Variants in NUCB2 observed in about 807,000 individuals in gnomAD.
NUCB2 encodes the protein nucleobindin 2.
In NUCB2, 48 loss-of-function variants were observed where a neutral mutation model predicts 57.9. That is an observed-to-expected ratio of 0.83 (90% CI 0.66 to 1.05). The LOEUF (loss-of-function observed/expected upper bound fraction) is 1.05, where lower values mean the gene tolerates loss of function less well. Among genes scored for constraint, NUCB2 ranks in the 50% least tolerant of loss-of-function variants. The pLI is 0.00. For synonymous variants in NUCB2, 139 were observed against 152.1 expected (o/e 0.91, Z 0.64); for missense variants, 442 against 476.2 (o/e 0.93, Z 0.67).
chr11:17,302,833 G>A (rs1423266150), intron 5 of NUCB2, among the ~76,000 whole-genome samples: 4 of 151,582 alleles, frequency 2.6e-5, no homozygotes, highest in Non-Finnish European at 5.9e-5. Flanking sequence ...TCTGCCTCCC[G>A]GGTTCACACC....
chr11:17,324,780 C>CTGTTTATT (rs1950451745), intron 11 of NUCB2, among the ~76,000 whole-genome samples: 1 of 147,064 alleles, frequency 6.8e-6, no homozygotes, highest in African/African-American at 2.5e-5. Context: ...GTCTATTTGT[C>CTGTTTATT]TATTTATTTA....
At chr11:17,280,967 G>C (rs965658401) in intron 1 of NUCB2, among the ~76,000 whole-genome samples, 1 of 152,154 alleles carries the variant, frequency 6.6e-6, no homozygotes, top group African/African-American at 2.4e-5. Flanking sequence ...CTTGAGCCTG[G>C]GAGGTGGAGG....
chr11:17,346,673 A>T (rs997589659), intron 2 of NUCB2, among the ~76,000 whole-genome samples: 12 of 152,210 alleles, frequency 7.9e-5, no homozygotes, highest in African/African-American at 2.7e-4. Context: ...CTTACAAAAA[A>T]TTTGCAAAAA....
intron 2 of NUCB2, among the ~76,000 whole-genome samples, chr11:17,344,091 T>C (rs1952518963): frequency 6.6e-6 from 1 of 152,158 alleles, no homozygotes; most frequent in Non-Finnish European, 1.5e-5. Context: ...TTCTGACTCA[T>C]GGGGTGGGTC....
At chr11:17,290,500 A>G (rs935342680) in intron 2 of NUCB2, among the ~76,000 whole-genome samples, 5 of 152,092 alleles carry the variant, frequency 3.3e-5, no homozygotes. Context: ...CTTGAGCCCA[A>G]GAGTTTGAGA....
chr11:17,321,656 AT>A (rs1950035774), intron 11 of NUCB2, among the ~76,000 whole-genome samples: 1 of 151,936 alleles, frequency 6.6e-6, no homozygotes, highest in African/African-American at 2.4e-5. Flanking sequence ...TCTATTTTTA[AT>A]TTTTTGAGGA....
At chr11:17,328,172 A>G (rs185378453) in intron 11 of NUCB2, among the ~76,000 whole-genome samples, 1 of 152,328 alleles carries the variant, frequency 6.6e-6, no homozygotes, top group Admixed American at 6.5e-5. Context: ...GGTCTTGGAT[A>G]AGATCCAGAA....
Position 17,280,683 on chromosome 11 carries a change from A to G in NUCB2, c.-155-2106A>G, listed in dbSNP as rs143041207. On this transcript the variant is annotated intron_variant, in intron 1 of 13. Transcript: ENST00000529010. ...TTGGATGCATTGCTTTCATTGGTCT[A>G]TGATTGCATCAGGACTTTGGTTCTG... 5.3e-4 allele frequency among the ~76,000 whole-genome samples: 81 copies of G among 152,338 alleles called. No individual in the cohort carries two copies. In the East Asian group the frequency reaches 0.014, roughly 26 times the overall value.
chr11:17,315,952 T>G (rs1949182540), intron 11 of NUCB2, among the ~76,000 whole-genome samples: 1 of 152,058 alleles, frequency 6.6e-6, no homozygotes, highest in Non-Finnish European at 1.5e-5. Flanking sequence ...TTATGTGTTT[T>G]TTGTTGTTGT....
chr11:17,341,560 T>C (rs1487192876), intron 2 of NUCB2, among the ~76,000 whole-genome samples: 1 of 152,230 alleles, frequency 6.6e-6, no homozygotes, highest in Admixed American at 6.5e-5. Flanking sequence ...CTTTTCTGCA[T>C]CTATTGAGAT....
chr11:17,285,746 A>C (rs1201320703), intron 2 of NUCB2, among the ~76,000 whole-genome samples: 3 of 149,196 alleles, frequency 2.0e-5, no homozygotes, highest in African/African-American at 7.3e-5. Context: ...TCCGTCTCAA[A>C]AAAAAAAAAA....
chr11:17,302,779 G>A (rs12273764), intron 5 of NUCB2, among the ~76,000 whole-genome samples: 3,025 of 147,220 alleles, frequency 0.021, 97 homozygotes, highest in African/African-American at 0.067. Context: ...TCGCTCTGTC[G>A]CCCAGGCTGG....
At chr11:17,283,784 G>T (rs901605629) in intron 2 of NUCB2, among the ~76,000 whole-genome samples, 6 of 152,016 alleles carry the variant, frequency 3.9e-5, no homozygotes, top group Non-Finnish European at 2.9e-5. Context: ...TTATCCCAAG[G>T]GTATCACATA....
At chr11:17,313,725 A>G (rs1006562568) in intron 10 of NUCB2, among the ~76,000 whole-genome samples, 1 of 151,960 alleles carries the variant, frequency 6.6e-6, no homozygotes, top group African/African-American at 2.4e-5. Flanking sequence ...TGCTTTCTTC[A>G]CTTGGCTTTT....
At chr11:17,325,887 C>T (rs1322445145) in intron 11 of NUCB2, among the ~76,000 whole-genome samples, 1 of 152,014 alleles carries the variant, frequency 6.6e-6, no homozygotes, top group African/African-American at 2.4e-5. Flanking sequence ...TATTTTATAA[C>T]CCATTATTTT....
chr11:17,324,519 C>T lies in NUCB2; in HGVS notation c.1003-5608C>T, dbSNP rs922526714. On this transcript the variant is annotated intron_variant, in intron 11 of 13. Coordinates refer to ENST00000529010, the MANE Select transcript of NUCB2 (RefSeq NM_005013.4). ...CACTATGTCAGCTCACTGCAACCTT[C>T]GCCTCTCAGGTCCAAGCAGTTCTTG... Among the ~76,000 whole-genome samples, 7 of 151,972 alleles carry T rather than the reference C, an allele frequency of 4.6e-5. 1 individual carries two copies. Among genetic ancestry groups the T allele is most frequent in the Non-Finnish European group, 1.0e-4 (7 of 67,994 alleles).
At chr11:17,303,157 G>A (rs1487723324) in intron 5 of NUCB2, among the ~76,000 whole-genome samples, 1 of 152,104 alleles carries the variant, frequency 6.6e-6, no homozygotes, top group Non-Finnish European at 1.5e-5. Context: ...ATAAGAATAA[G>A]TTTCATAAAG....
At position 17,345,729 on chromosome 11, in the gene NUCB2, T is replaced by C. The variant is rs140666962; in HGVS notation, n.2627-3616T>C. On this transcript the variant is annotated intron_variant and non_coding_transcript_variant, in intron 2 of 2. Coordinates refer to the NUCB2 transcript ENST00000532240. The stretch of plus-strand genomic sequence containing the variant: ...CTCAAAAAAAAGAAAAGTAACCTTT[T>C]ATAAATATGGGGCTGAAAACGTTAT... Among the ~76,000 whole-genome samples the C allele has an allele frequency of 9.3e-3, 1,417 of 152,274 alleles. 21 individuals are homozygous for C. Among genetic ancestry groups the C allele is most frequent in the Middle Eastern group, 0.037 (11 of 294 alleles).
chr11:17,293,308 C>CA (rs1945261346), intron 2 of NUCB2, among the ~76,000 whole-genome samples: 2 of 150,716 alleles, frequency 1.3e-5, no homozygotes, highest in Admixed American at 1.3e-4. Context: ...TACACACACA[C>CA]ACTCATGTAT....
Sources: allele counts gnomAD v4.1 joint callset (sites outside exome capture counted in the v4.1 genomes callset), GRCh38; gene constraint gnomAD v4.1.1; transcripts MANE v1.5; gene names NCBI Gene and HGNC (gene_info 2026-07-23, HGNC 2026-07-21).